The following KAT5 variants were observed in gnomAD, a reference collection of about 807,000 sequenced individuals.
KAT5 encodes histone acetyltransferase KAT5.
A neutral mutation model predicts 68.1 loss-of-function variants in KAT5; 31 were observed. The observed-to-expected ratio is 0.46, with a 90% CI of 0.34 to 0.61. The LOEUF is 0.61. KAT5 is among the 20% of genes least tolerant of loss of function. KAT5 has a pLI of 0.01. For missense variants in KAT5, 451 were observed against 725.5 expected, an observed-to-expected ratio of 0.62 and a Z score of 4.35; for synonymous variants, 365 against 292.6, an observed-to-expected ratio of 1.25 and a Z score of -2.52.
At chr11:65,713,940 G>T (rs1857113634) in intron 6 of KAT5, 92 bp downstream of exon 6, 2 of 1,190,262 alleles carry the variant, frequency 1.7e-6, no homozygotes, top group East Asian at 2.5e-5. Flanking sequence ...TAAAAATAAA[G>T]AAGGGGTGGT....
At chr11:65,714,175 T>C in intron 6 of KAT5, 1 of 512,154 alleles carries the variant, frequency 2.0e-6, no homozygotes, top group Non-Finnish European at 3.5e-6. Context: ...GGCGGGTGCC[T>C]GTAATCCAGC....
chr11:65,713,540 C>A, intron 4 of KAT5, 37 bp downstream of exon 4: 1 of 1,614,076 alleles, frequency 6.2e-7, no homozygotes, highest in Non-Finnish European at 8.5e-7. Context: ...GCTTTCTTCT[C>A]AGGTCCCACC....
At chr11:65,713,168 C>T in intron 3 of KAT5, 110 bp downstream of exon 3, 1 of 1,450,460 alleles carries the variant, frequency 6.9e-7, no homozygotes, top group Non-Finnish European at 9.5e-7. Flanking sequence ...ACCCTGACTT[C>T]ATCTTGCAAA....
In KAT5 at chr11:65,718,765, T is replaced by C; in HGVS notation, c.1424+16T>C. 3 of 1,614,164 alleles carry C rather than the reference T, an allele frequency of 1.9e-6. No individual in the cohort carries two copies. Among genetic ancestry groups the C allele is most frequent in the South Asian group, 2.2e-5 (2 of 91,086 alleles). ...TCACCATCAAGTGAGCCTGGCGCTG[T>C]CTACCTGGGGGTACATGGCATGGCT... On this transcript the variant is annotated intron_variant, in intron 11 of 12. Transcript: ENST00000341318.
At position 65,719,133 on chromosome 11, in the gene KAT5, G is replaced by A. The variant is rs970856059; in HGVS notation, c.1593G>A (p.Lys531=). The A allele has an allele frequency of 6.2e-7, 1 of 1,614,222 alleles. No homozygotes were observed. Among genetic ancestry groups the A allele is most frequent in the East Asian group, 2.2e-5 (1 of 44,888 alleles). ...AGCGGCTCCTGCGGATCGACTCCAAGTGTCTGCACTTCACTCCCAAGGACT... is the reference window on the plus strand; with the variant it reads ...AGCGGCTCCTGCGGATCGACTCCAAATGTCTGCACTTCACTCCCAAGGACT... ...MLKRLLRIDS[K]CLHFTPKDWS... is the part of the protein sequence containing the mutation. The change falls in exon 13 of 13, where the codon AAG becomes AAA. Residue 531 remains lysine (K), a synonymous_variant. Coordinates refer to ENST00000341318, the MANE Select transcript of KAT5 (RefSeq NM_182710.3).
rs1857077490 is a variant in KAT5 at position 65,713,063 on chromosome 11, G to A, written c.384+5G>A. ...GGCTCTCCAGAGAGAGAGGTGGTGA[G>A]TAGGTCCCCCACTTCACCTTTTCTC... is the stretch of plus-strand genomic sequence containing the variant. On this transcript the variant is annotated splice_donor_5th_base_variant and intron_variant, in intron 3 of 12. Transcript: ENST00000341318. 2 of 1,612,474 alleles carry A rather than the reference G, an allele frequency of 1.2e-6. No homozygotes were observed. Among genetic ancestry groups the A allele is most frequent in the African/African-American group, 1.3e-5 (1 of 74,874 alleles).
rs752454142 is a variant in KAT5, at chr11:65,714,752, G to C, written c.939+9G>C. The C allele has an allele frequency of 1.9e-6, 3 of 1,614,132 alleles. No homozygotes were observed. The highest frequency in any genetic ancestry group is 2.5e-6 in the Non-Finnish European group (3 of 1,180,008). ...GTCTTCAGCGTCATTTGGTATGAGGGGTCCAGGGAGGCTGCCTTCCCAGCA... is the reference window on the plus strand; with the variant it reads ...GTCTTCAGCGTCATTTGGTATGAGGCGTCCAGGGAGGCTGCCTTCCCAGCA... On this transcript the variant is annotated intron_variant, in intron 7 of 12. Coordinates refer to ENST00000341318, the MANE Select transcript of KAT5 (RefSeq NM_182710.3).
Position 65,714,495 on chromosome 11 carries a change from G to T in KAT5, c.691G>T (p.Asp231Tyr). The change falls in exon 7 of 13, where the codon GAC (aspartate) becomes TAC (tyrosine). Residue 231 changes from aspartate to tyrosine, a missense_variant and splice_region_variant. By Grantham distance (160) the Asp-to-Tyr change is radical (BLOSUM62 -3). Coordinates refer to ENST00000341318, the MANE Select transcript of KAT5 (RefSeq NM_182710.3). ...GGTATTTTCCACTGGCCCTGGGCAG[G>T]ACTCCCAGGACAGCTCTGATGGAAT... ...RKSNCLGTDE[D>Y]SQDSSDGIPS... The T allele has an allele frequency of 6.2e-7, 1 of 1,613,594 alleles. No individual in the cohort carries two copies.
chr11:65,714,986 A>T (rs1476424842), intron 8 of KAT5, 76 bp downstream of exon 8: 1 of 1,297,670 alleles, frequency 7.7e-7, no homozygotes, highest in Non-Finnish European at 1.1e-6. Context: ...AACACTGACC[A>T]GTCAAGCCAG....
At chr11:65,716,565 C>T in intron 8 of KAT5, 102 bp from the exon 9 acceptor site, 1 of 1,136,826 alleles carries the variant, frequency 8.8e-7, no homozygotes, top group Non-Finnish European at 1.3e-6. Flanking sequence ...CACCTAGCAG[C>T]CTGGGGCATA....
Position 65,717,284 on chromosome 11 carries a change from C to T in KAT5, c.1264+302C>T, listed in dbSNP as rs765330200. The T allele has an allele frequency of 2.0e-4, 100 of 504,604 alleles. 1 individual carries two copies. The highest frequency in any genetic ancestry group is 1.1e-3 in the South Asian group (53 of 46,842). The allele number at this position is 504,604 out of a possible 1,614,324, so 31.3% of individuals were successfully genotyped here. On this transcript the variant is annotated intron_variant, in intron 10 of 12. Coordinates refer to ENST00000341318, the MANE Select transcript of KAT5 (RefSeq NM_182710.3). ...AGCCATGGGCAGAAGGTTAGTGAGC[C>T]GCTGGTGCTGATGTATCTGGTAACG...
Position 65,716,981 on chromosome 11 carries a change from CAGTG to C in KAT5, c.1264+3_1264+6del, listed in dbSNP as rs781459819. 6 of 1,612,044 alleles carry C rather than the reference CAGTG, an allele frequency of 3.7e-6. No individual in the cohort carries two copies. The highest frequency in any genetic ancestry group is 3.3e-5 in the South Asian group (3 of 91,046). ...GCTACGGCAAGCTGCTGATCGAGTT[CAGTG>C]AGTATGTGTGCTGCGGCCAGGGGGT... On this transcript the variant is annotated splice_donor_variant and splice_donor_region_variant and coding_sequence_variant and intron_variant, in exon 10 of 13. Coordinates refer to ENST00000341318, the MANE Select transcript of KAT5 (RefSeq NM_182710.3). LOFTEE classifies it high-confidence loss of function.
chr11:65,719,097 G>A lies in KAT5; in HGVS notation c.1557G>A (p.Arg519=). ...AGGACATCGTGGATGGCCATGAGCG[G>A]GCCATGCTCAAGCGGCTCCTGCGGA... The part of the protein sequence containing the change: ...LSEDIVDGHE[R]AMLKRLLRID... The change falls in exon 13 of 13, where the codon CGG becomes CGA. Residue 519 remains arginine (R), a synonymous_variant. Coordinates refer to ENST00000341318, the MANE Select transcript of KAT5 (RefSeq NM_182710.3). 6.2e-7 allele frequency: 1 copy of A among 1,614,194 alleles called. No individual in the cohort carries two copies. Among genetic ancestry groups the A allele is most frequent in the Non-Finnish European group, 8.5e-7 (1 of 1,180,028 alleles).
rs775104942 is a variant in KAT5, at chr11:65,714,822, C to T, written c.941C>T (p.Thr314Ile). 1.9e-6 allele frequency: 3 copies of T among 1,614,234 alleles called. No homozygotes were observed. Among genetic ancestry groups the T allele is most frequent in the Admixed American group, 3.3e-5 (2 of 60,030 alleles). ...TCCTGATCCTCCTCTCTTCCCCAGA[C>T]CAAGTGTGACCTACGACATCCTCCA... ...RSLKCLQRHL[T>I]KCDLRHPPGN... Residue 314 changes from threonine to isoleucine, a missense_variant and splice_region_variant, in exon 8 of 13, where the codon ACC (threonine) becomes ATC (isoleucine). By Grantham distance (89) the Thr-to-Ile change is moderately conservative. Transcript: ENST00000341318.
At position 65,719,002 on chromosome 11, in the gene KAT5, T is replaced by A. The variant is rs770976093; in HGVS notation, c.1507-45T>A. 1.9e-6 allele frequency: 3 copies of A among 1,613,808 alleles called. No homozygotes were observed. The African/African-American group carries it at 4.0e-5, about 22-fold the overall frequency. On this transcript the variant is annotated intron_variant, in intron 12 of 12. Transcript: ENST00000341318. ...CAGGTGTGTGGGATGCAGAGTGCAG[T>A]CCTCTGTGGGCTGACCACCTGCTGA...
At position 65,716,663 on chromosome 11, in the gene KAT5, G is replaced by A. The variant is rs1432379974; in HGVS notation, c.1030-4G>A. ...AGAGTGGTGACAAGCCTTTTCTCTT[G>A]CAGAGTTATTCCCAGAACCTGTGTC... On this transcript the variant is annotated splice_polypyrimidine_tract_variant and splice_region_variant and intron_variant, in intron 8 of 12. Transcript: ENST00000341318. 1.2e-6 allele frequency: 2 copies of A among 1,613,362 alleles called. No individual in the cohort carries two copies. Among genetic ancestry groups the A allele is most frequent in the Non-Finnish European group, 1.7e-6 (2 of 1,179,870 alleles).
At chr11:65,713,699 C>T (rs891908920) in intron 5 of KAT5, 32 bp downstream of exon 5, 52 of 1,613,578 alleles carry the variant, frequency 3.2e-5, no homozygotes, top group Middle Eastern at 3.3e-4. Flanking sequence ...TTGTTCTCTT[C>T]CTCTCTTCTA....
intron 7 of KAT5, 29 bp from the exon 8 acceptor site, chr11:65,714,792 C>G (rs1331718020): frequency 6.2e-7 from 1 of 1,614,096 alleles, no homozygotes; most frequent in Non-Finnish European, 8.5e-7. Context: ...CCACGTTGCC[C>G]TTGTTCCTGA....
chr11:65,716,146 A>G (rs1350626024), intron 8 of KAT5: 2 of 153,928 alleles, frequency 1.3e-5, no homozygotes, highest in Non-Finnish European at 2.9e-5. Flanking sequence ...GTTAAATTCC[A>G]GAATTCCTTA....
Sources: allele counts gnomAD v4.1 joint callset, GRCh38; gene constraint gnomAD v4.1.1; transcripts MANE v1.5; gene names NCBI Gene and HGNC (gene_info 2026-07-23, HGNC 2026-07-21).